EXOC4: variants seen among roughly 807,000 people sequenced by gnomAD.
EXOC4 encodes exocyst complex component 4, also known as SEC8-like 1.
EXOC4 carries 71 observed loss-of-function variants against 107.2 expected under a neutral mutation model. The ratio of observed to expected loss-of-function variants is 0.66; its 90% CI spans 0.55 to 0.81. EXOC4 has a LOEUF of 0.81. Ranked by LOEUF, EXOC4 falls within the 30% of genes least tolerant of loss-of-function variation. EXOC4 has a pLI of 0.00. For missense variants in EXOC4, 1,108 were observed against 1,189.6 expected, an observed-to-expected ratio of 0.93 and a Z score of 1.01; for synonymous variants, 456 against 441.2, an observed-to-expected ratio of 1.03 and a Z score of -0.42.
At chr7:134,100,409 A>C in the EXOC4 span, among the ~76,000 whole-genome samples, 12 of 128,918 alleles carry the variant, frequency 9.3e-5, 5 homozygotes, top group South Asian at 2.0e-3. Flanking sequence ...GCCACCCAGC[A>C]TGTGGTACTT....
At chr7:133,265,098 G>T (rs1303761737) in intron 1 of EXOC4, among the ~76,000 whole-genome samples, 1 of 152,148 alleles carries the variant, frequency 6.6e-6, no homozygotes, top group East Asian at 1.9e-4. Flanking sequence ...ATCAGCTCTA[G>T]ACTCTTTTTT....
intron 14 of EXOC4, among the ~76,000 whole-genome samples, chr7:133,967,780 TG>T (rs1256905410): frequency 1.3e-5 from 2 of 152,196 alleles, no homozygotes; most frequent in Admixed American, 1.3e-4. Context: ...AAGTGCAGTG[TG>T]GTACTGAGAA....
intron 1 of EXOC4, among the ~76,000 whole-genome samples, chr7:133,272,527 C>G (rs1283668353): frequency 6.6e-6 from 1 of 151,914 alleles, no homozygotes; most frequent in Non-Finnish European, 1.5e-5. Flanking sequence ...GCTAGTAAGC[C>G]TCTCTAAATA....
At chr7:133,939,344 G>A (rs977327237) in intron 14 of EXOC4, among the ~76,000 whole-genome samples, 1 of 152,046 alleles carries the variant, frequency 6.6e-6, no homozygotes, top group Admixed American at 6.5e-5. Flanking sequence ...AAGAGTCTAA[G>A]GAACCCCTTG....
intron 10 of EXOC4, among the ~76,000 whole-genome samples, chr7:133,730,563 A>G (rs1453074055): frequency 1.3e-5 from 2 of 152,102 alleles, no homozygotes; most frequent in African/African-American, 4.8e-5. Flanking sequence ...GGCAGATTTC[A>G]CATTCGCTTT....
At chr7:133,866,403 G>T (rs1037618719) in intron 11 of EXOC4, among the ~76,000 whole-genome samples, 1 of 152,096 alleles carries the variant, frequency 6.6e-6, no homozygotes, top group South Asian at 2.1e-4. Context: ...ATGTTTGGGG[G>T]CAGGGAACTA....
intron 7 of EXOC4, among the ~76,000 whole-genome samples, chr7:133,434,903 A>G (rs1476130021): frequency 3.9e-5 from 6 of 152,118 alleles, no homozygotes. Context: ...GTAAACTCCT[A>G]ACTATTGTGT....
chr7:133,755,289 CATATTATATATATTATATAT>C (rs1263941078), intron 10 of EXOC4, among the ~76,000 whole-genome samples: 2 of 91,874 alleles, frequency 2.2e-5, no homozygotes, highest in Admixed American at 1.2e-4. Context: ...ATATTATATA[CATATTATATATATTATATAT>C]ATATTATATA....
intron 14 of EXOC4, among the ~76,000 whole-genome samples, chr7:133,969,061 C>G (rs1375637350): frequency 1.3e-5 from 2 of 152,042 alleles, no homozygotes; most frequent in Admixed American, 6.6e-5. Context: ...TTTCTCTAAT[C>G]TTGGCTTCAC....
At chr7:133,384,735 T>TA (rs11396470) in intron 7 of EXOC4, among the ~76,000 whole-genome samples, 104,401 of 136,470 alleles carry the variant, frequency 0.77, 40,534 homozygotes, top group East Asian at 0.94. Context: ...TAAGCGTATT[T>TA]AAAAAAAAAA....
intron 5 of EXOC4, among the ~76,000 whole-genome samples, chr7:133,323,775 A>T (rs1795170625): frequency 6.6e-6 from 1 of 152,198 alleles, no homozygotes; most frequent in Non-Finnish European, 1.5e-5. Context: ...GAATAGTTTC[A>T]GAAGGAATGG....
chr7:133,450,071 C>G (rs1436996064), intron 7 of EXOC4, among the ~76,000 whole-genome samples: 2 of 152,052 alleles, frequency 1.3e-5, no homozygotes, highest in Non-Finnish European at 2.9e-5. Context: ...AGCCTGTTTT[C>G]TCTTTAAAGA....
At chr7:134,087,075 G>A in the EXOC4 span, among the ~76,000 whole-genome samples, 12 of 152,074 alleles carry the variant, frequency 7.9e-5, no homozygotes, top group Non-Finnish European at 1.3e-4. Context: ...CTGACCTCCT[G>A]TTTCATCCTG....
At chr7:133,840,982 C>T (rs1255654415) in intron 11 of EXOC4, among the ~76,000 whole-genome samples, 1 of 152,176 alleles carries the variant, frequency 6.6e-6, no homozygotes, top group African/African-American at 2.4e-5. Context: ...GCCATTCGGG[C>T]TGCCGTAACA....
intron 17 of EXOC4, among the ~76,000 whole-genome samples, chr7:134,060,425 G>A (rs1179970774): frequency 4.6e-5 from 7 of 152,170 alleles, no homozygotes; most frequent in African/African-American, 1.7e-4. Context: ...GCCAGAAAAT[G>A]TCTCAATCAA....
At chr7:133,611,193 A>G (rs538542630) in intron 9 of EXOC4, among the ~76,000 whole-genome samples, 1 of 152,192 alleles carries the variant, frequency 6.6e-6, no homozygotes, top group African/African-American at 2.4e-5. Context: ...AGCCAGTGAA[A>G]TAGGAATGAG....
intron 10 of EXOC4, among the ~76,000 whole-genome samples, chr7:133,671,332 G>C (rs564557765): frequency 8.1e-4 from 123 of 152,252 alleles, no homozygotes; most frequent in African/African-American, 2.7e-3. Context: ...GAGAGGCCGA[G>C]GCAGGTGGAT....
intron 10 of EXOC4, among the ~76,000 whole-genome samples, chr7:133,767,332 G>A (rs1415212353): frequency 6.6e-6 from 1 of 151,742 alleles, no homozygotes; most frequent in Admixed American, 6.6e-5. Flanking sequence ...TATAAAATGG[G>A]GTGCTCAATG....
chr7:133,866,783 A>G lies in EXOC4; in HGVS notation c.1735-28816A>G, dbSNP rs183111688. Among the ~76,000 whole-genome samples, 15 of 152,328 alleles carry G rather than the reference A, an allele frequency of 9.8e-5. No individual in the cohort carries two copies. In the Middle Eastern group the frequency reaches 0.01, roughly 104 times the overall value. ...AAATTACTTATATATAAGGTGTACAATGTGCCAACTTGATCTATGCATCCA... is the reference window on the plus strand; with the variant it reads ...AAATTACTTATATATAAGGTGTACAGTGTGCCAACTTGATCTATGCATCCA... On this transcript the variant is annotated intron_variant, in intron 11 of 17. Coordinates refer to ENST00000253861, the MANE Select transcript of EXOC4 (RefSeq NM_021807.4).
Sources: gnomAD v4.1 joint callset for allele counts (sites outside exome capture counted in the v4.1 genomes callset) on GRCh38, gnomAD v4.1.1 for gene constraint, MANE v1.5 for transcripts, NCBI Gene and HGNC (gene_info 2026-07-23, HGNC 2026-07-21) for gene names.